Variants in RALYL observed in about 807,000 individuals in gnomAD.
The protein encoded by RALYL is RNA-binding Raly-like protein.
Under a neutral mutation model 35.1 loss-of-function variants are expected in RALYL, and 29 were observed. The observed-to-expected ratio is 0.83, with a 90% CI of 0.61 to 1.13. RALYL has a LOEUF of 1.13. Among genes scored for constraint, RALYL ranks in the 50% most tolerant of loss-of-function variants. The probability of loss-of-function intolerance (pLI) is 0.00; values close to 1 mark genes in which losing one functional copy is unlikely to be tolerated. For missense variants in RALYL, 359 were observed against 360.4 expected, an observed-to-expected ratio of 1.00 and a Z score of 0.03; for synonymous variants, 120 against 127.6, an observed-to-expected ratio of 0.94 and a Z score of 0.40.
chr8:84,538,548 G>T (rs980772799), intron 2 of RALYL, among the ~76,000 whole-genome samples: 2 of 151,526 alleles, frequency 1.3e-5, no homozygotes, highest in Non-Finnish European at 2.9e-5. Flanking sequence ...TTCTAAAAGA[G>T]AATAAAAACA....
At chr8:84,253,185 T>G (rs1366552204) in intron 1 of RALYL, among the ~76,000 whole-genome samples, 8 of 118,330 alleles carry the variant, frequency 6.8e-5, no homozygotes, top group South Asian at 3.2e-4. Context: ...AGTTTTTTTT[T>G]TTTTTTTTTT....
intron 8 of RALYL, among the ~76,000 whole-genome samples, chr8:84,905,261 T>C (rs1846297788): frequency 6.6e-6 from 1 of 152,194 alleles, no homozygotes; most frequent in South Asian, 2.1e-4. Flanking sequence ...ATTTTCCTTC[T>C]TTTTTAAGGC....
At chr8:84,467,714 C>T (rs981663646) in intron 1 of RALYL, among the ~76,000 whole-genome samples, 9 of 151,226 alleles carry the variant, frequency 6.0e-5, no homozygotes, top group Non-Finnish European at 8.8e-5. Context: ...CTTTCTGTCT[C>T]GTTGATCTGT....
chr8:84,340,281 A>G (rs1321124004), intron 1 of RALYL, among the ~76,000 whole-genome samples: 1 of 152,212 alleles, frequency 6.6e-6, no homozygotes, highest in South Asian at 2.1e-4. Context: ...CTAAACTTAA[A>G]AAAAGTAGTA....
At chr8:84,904,473 A>G (rs1846163080) in intron 8 of RALYL, among the ~76,000 whole-genome samples, 1 of 152,224 alleles carries the variant, frequency 6.6e-6, no homozygotes, top group Non-Finnish European at 1.5e-5. Flanking sequence ...TAATGTAAAT[A>G]TAAGAGAACC....
At chr8:84,583,158 TA>T (rs1393690270) in intron 2 of RALYL, among the ~76,000 whole-genome samples, 1 of 152,120 alleles carries the variant, frequency 6.6e-6, no homozygotes, top group African/African-American at 2.4e-5. Context: ...GCCTTTTAAA[TA>T]AAATACAGTA....
At chr8:84,782,061 A>G (rs1280838857) in intron 3 of RALYL, among the ~76,000 whole-genome samples, 1 of 149,722 alleles carries the variant, frequency 6.7e-6, no homozygotes, top group Non-Finnish European at 1.5e-5. Flanking sequence ...ACACACACAC[A>G]CAGGTTTTAA....
chr8:84,208,048 A>G (rs1818496906), intron 1 of RALYL, among the ~76,000 whole-genome samples: 1 of 152,114 alleles, frequency 6.6e-6, no homozygotes, highest in Non-Finnish European at 1.5e-5. Flanking sequence ...TTCTATTAGC[A>G]ATAGTAAAGA....
intron 2 of RALYL, among the ~76,000 whole-genome samples, chr8:84,640,085 T>G (rs959479865): frequency 6.6e-6 from 1 of 151,982 alleles, no homozygotes; most frequent in Non-Finnish European, 1.5e-5. Context: ...TAATTTAGGA[T>G]TTGATCTTCA....
At chr8:84,679,805 T>A (rs894336188) in intron 2 of RALYL, 4 of 478,528 alleles carry the variant, frequency 8.4e-6, no homozygotes, top group African/African-American at 4.0e-5. Context: ...AAGATTGAAT[T>A]TAGTTTACCT....
chr8:84,443,954 T>C (rs2048602432), intron 1 of RALYL, among the ~76,000 whole-genome samples: 1 of 152,144 alleles, frequency 6.6e-6, no homozygotes, highest in Admixed American at 6.6e-5. Context: ...TTGTCAGTTT[T>C]CCTAACTTTT....
intron 1 of RALYL, among the ~76,000 whole-genome samples, chr8:84,485,949 T>C (rs2054565513): frequency 6.6e-6 from 1 of 151,798 alleles, no homozygotes; most frequent in Non-Finnish European, 1.5e-5. Context: ...GTTGCCAGTG[T>C]CTTCATTCTA....
intron 1 of RALYL, among the ~76,000 whole-genome samples, chr8:84,292,304 C>T (rs1053168448): frequency 2.6e-5 from 4 of 152,110 alleles, no homozygotes; most frequent in African/African-American, 9.7e-5. Flanking sequence ...GTTACAAGTG[C>T]ATACTATTCT....
chr8:84,676,259 G>C (rs1834172720), intron 2 of RALYL, among the ~76,000 whole-genome samples: 1 of 152,210 alleles, frequency 6.6e-6, no homozygotes, highest in Non-Finnish European at 1.5e-5. Flanking sequence ...GGCCAATTTG[G>C]GTTGCTTATA....
chr8:84,678,380 C>T (rs1214996312), intron 2 of RALYL, among the ~76,000 whole-genome samples: 1 of 152,116 alleles, frequency 6.6e-6, no homozygotes, highest in Non-Finnish European at 1.5e-5. Context: ...TCTCCTGCCT[C>T]AGCCTCCCAG....
At chr8:84,671,278 G>A (rs1045663839) in intron 2 of RALYL, among the ~76,000 whole-genome samples, 2 of 152,154 alleles carry the variant, frequency 1.3e-5, no homozygotes, top group Non-Finnish European at 2.9e-5. Context: ...GCTGGCTGCT[G>A]TAATAGGCTG....
At chr8:84,813,762 C>G (rs1014640893) in intron 4 of RALYL, among the ~76,000 whole-genome samples, 1 of 151,258 alleles carries the variant, frequency 6.6e-6, no homozygotes, top group African/African-American at 2.4e-5. Context: ...TAGGCAATTA[C>G]TTTTTTTTTA....
intron 1 of RALYL, among the ~76,000 whole-genome samples, chr8:84,364,013 T>C (rs1198137713): frequency 6.6e-6 from 1 of 152,170 alleles, no homozygotes; most frequent in Admixed American, 6.6e-5. Flanking sequence ...TGCCTACCTA[T>C]TGTTCTACAA....
chr8:84,879,966 G>A (rs1196509476), intron 7 of RALYL, among the ~76,000 whole-genome samples: 1 of 152,004 alleles, frequency 6.6e-6, no homozygotes, highest in Non-Finnish European at 1.5e-5. Context: ...ATAAAAGGCA[G>A]AATAATTTTT....
Sources: gnomAD v4.1 joint callset for allele counts (sites outside exome capture counted in the v4.1 genomes callset) on GRCh38, gnomAD v4.1.1 for gene constraint, MANE v1.5 for transcripts, NCBI Gene and HGNC (gene_info 2026-07-23, HGNC 2026-07-21) for gene names.